Variants in ZNF407 observed in about 807,000 individuals in gnomAD.
ZNF407 encodes the protein zinc finger protein 407.
In ZNF407, 17 loss-of-function variants were observed where a neutral mutation model predicts 131.2. That is an observed-to-expected ratio of 0.13 (90% CI 0.09 to 0.19). ZNF407 has a LOEUF of 0.19. ZNF407 is among the 10% of genes least tolerant of loss of function. ZNF407 has a pLI of 1.00. For missense variants in ZNF407, 2,681 were observed against 2,830.6 expected (o/e 0.95, Z 1.20); for synonymous variants, 1,156 against 1,062.0 (o/e 1.09, Z -1.72).
At chr18:74,953,779 A>G (rs1274192977) in intron 8 of ZNF407, among the ~76,000 whole-genome samples, 1 of 152,234 alleles carries the variant, frequency 6.6e-6, no homozygotes. Context: ...CTGGCTGCAG[A>G]CAGCCCCTTA....
intron 3 of ZNF407, among the ~76,000 whole-genome samples, chr18:74,726,805 C>T (rs1968168660): frequency 6.6e-6 from 1 of 152,110 alleles, no homozygotes; most frequent in Non-Finnish European, 1.5e-5. Context: ...TCTAAAGATC[C>T]TGGATTCATT....
At chr18:74,850,838 C>T (rs78557623) in intron 4 of ZNF407, among the ~76,000 whole-genome samples, 3,916 of 152,268 alleles carry the variant, frequency 0.026, 155 homozygotes, top group African/African-American at 0.089. Flanking sequence ...AAAGAACTCT[C>T]GAGAGCACAA....
At chr18:74,890,430 A>G (rs1303181626) in intron 7 of ZNF407, among the ~76,000 whole-genome samples, 2 of 152,188 alleles carry the variant, frequency 1.3e-5, no homozygotes, top group African/African-American at 4.8e-5. Context: ...CAAATTTATG[A>G]CATGTATCTG....
At chr18:75,004,574 C>T (rs1012774194) in intron 8 of ZNF407, among the ~76,000 whole-genome samples, 5 of 152,120 alleles carry the variant, frequency 3.3e-5, no homozygotes, top group Admixed American at 6.5e-5. Flanking sequence ...GTCTCTTGCT[C>T]GAGAGCCACC....
intron 4 of ZNF407, among the ~76,000 whole-genome samples, chr18:74,799,710 T>C (rs1969984512): frequency 6.6e-6 from 1 of 152,052 alleles, no homozygotes. Context: ...GCATTCAGTG[T>C]TTCTCTGCAA....
rs754835140 is a variant in ZNF407, at chr18:74,635,606, C to T, written c.4587C>T (p.Arg1529=). 3.2e-5 allele frequency: 51 copies of T among 1,613,670 alleles called. No individual in the cohort carries two copies. Among genetic ancestry groups the T allele is most frequent in the Non-Finnish European group, 3.8e-5 (45 of 1,179,854 alleles). The part of the protein sequence containing the change: ...YIVEDTEQIN[R]EREENQGNVC... ...TGGAAGACACTGAGCAAATCAACCG[C>T]GAGAGGGAGGAAAACCAGGGAAACG... The change falls in exon 2 of 9, where the codon CGC becomes CGT. Residue 1529 remains arginine, a synonymous_variant. Transcript: ENST00000299687. This position sits in a 1 kb window ranked among gnomAD's most constrained non-coding sequence, Gnocchi z 4.7.
At chr18:74,925,310 T>C (rs892362763) in intron 8 of ZNF407, among the ~76,000 whole-genome samples, 3 of 152,202 alleles carry the variant, frequency 2.0e-5, no homozygotes, top group African/African-American at 7.2e-5. Context: ...AGATAAGCAG[T>C]TTGGTGTTCT....
intron 3 of ZNF407, among the ~76,000 whole-genome samples, chr18:74,760,384 C>T (rs1568202352): frequency 6.6e-6 from 1 of 152,188 alleles, no homozygotes. Flanking sequence ...TTCATTCACA[C>T]AGCCCTGTGC....
chr18:74,740,866 A>G (rs572027330), intron 3 of ZNF407, among the ~76,000 whole-genome samples: 2 of 152,320 alleles, frequency 1.3e-5, no homozygotes, highest in African/African-American at 4.8e-5. Flanking sequence ...GCACTGAGGA[A>G]GTAATCAAAT....
intron 7 of ZNF407, among the ~76,000 whole-genome samples, chr18:74,899,204 C>T (rs1394299817): frequency 1.3e-5 from 2 of 152,154 alleles, no homozygotes; most frequent in African/African-American, 4.8e-5. Context: ...TGCAAAATCA[C>T]TGGTGCAGTA....
chr18:74,869,644 G>T (rs1014905482), intron 4 of ZNF407, among the ~76,000 whole-genome samples: 1 of 152,094 alleles, frequency 6.6e-6, no homozygotes, highest in African/African-American at 2.4e-5. Context: ...TTTTTTTAGG[G>T]GCAGAAGTGG....
At chr18:74,755,536 T>TCTCCCCCCCCCC (rs1968911096) in intron 3 of ZNF407, among the ~76,000 whole-genome samples, 1 of 99,146 alleles carries the variant, frequency 1.0e-5, no homozygotes, top group Non-Finnish European at 1.9e-5. Context: ...TCTTTCCCTC[T>TCTCCCCCCCCCC]CTCCCTCCCT....
chr18:74,903,671 T>C (rs778842989), intron 7 of ZNF407, among the ~76,000 whole-genome samples: 2 of 152,196 alleles, frequency 1.3e-5, no homozygotes, highest in South Asian at 2.1e-4. Context: ...GGAATAAATA[T>C]GTAGCGATGA....
At chr18:74,897,763 T>G (rs1302707822) in intron 7 of ZNF407, among the ~76,000 whole-genome samples, 1 of 152,208 alleles carries the variant, frequency 6.6e-6, no homozygotes, top group African/African-American at 2.4e-5. Context: ...ACAGTGTAGC[T>G]TATTAGGAAA....
chr18:74,955,511 A>C (rs1240298581), intron 8 of ZNF407, among the ~76,000 whole-genome samples: 1 of 152,220 alleles, frequency 6.6e-6, no homozygotes, highest in Non-Finnish European at 1.5e-5. Context: ...CCTTGGTTGT[A>C]GGTTAATCAG....
intron 3 of ZNF407, among the ~76,000 whole-genome samples, chr18:74,752,456 A>G (rs576482765): frequency 3.3e-5 from 5 of 152,290 alleles, no homozygotes; most frequent in South Asian, 2.1e-4. Context: ...GCCCATGCCT[A>G]TGTCCTGAAT....
intron 3 of ZNF407, among the ~76,000 whole-genome samples, chr18:74,691,583 T>C (rs1967224593): frequency 6.6e-6 from 1 of 152,212 alleles, no homozygotes; most frequent in African/African-American, 2.4e-5. Flanking sequence ...TTTCCTTGTA[T>C]CTAATATATA....
chr18:75,018,650 T>C (rs1473375381), intron 8 of ZNF407, among the ~76,000 whole-genome samples: 1 of 151,792 alleles, frequency 6.6e-6, no homozygotes, highest in Non-Finnish European at 1.5e-5. Context: ...ACCTTACAAA[T>C]CAAGAAAAAA....
At chr18:74,772,374 G>A (rs1160408050) in intron 3 of ZNF407, among the ~76,000 whole-genome samples, 1 of 152,108 alleles carries the variant, frequency 6.6e-6, no homozygotes, top group Non-Finnish European at 1.5e-5. Context: ...GAGTGAATTT[G>A]GTTGATGTTG....
Sources: allele counts gnomAD v4.1 joint callset (sites outside exome capture counted in the v4.1 genomes callset), GRCh38; gene constraint gnomAD v4.1.1; non-coding constraint Gnocchi (gnomAD v3.1); transcripts MANE v1.5; gene names NCBI Gene and HGNC (gene_info 2026-07-23, HGNC 2026-07-21).